Variants in XPNPEP3 observed in about 807,000 individuals in gnomAD.
The protein encoded by XPNPEP3 is X-prolyl aminopeptidase 3.
XPNPEP3 carries 41 observed loss-of-function variants against 60.0 expected under a neutral mutation model. The observed-to-expected ratio is 0.68, with a 90% confidence interval of 0.53 to 0.89. XPNPEP3 has a LOEUF of 0.89. Ranked by LOEUF, XPNPEP3 falls within the 40% of genes least tolerant of loss-of-function variation. The pLI is 0.00. For missense variants in XPNPEP3, 598 were observed against 638.9 expected, an observed-to-expected ratio of 0.94 and a Z score of 0.69; for synonymous variants, 212 against 223.2, an observed-to-expected ratio of 0.95 and a Z score of 0.45.
intron 4 of XPNPEP3, among the ~76,000 whole-genome samples, chr22:40,886,977 G>C (rs1023319008): frequency 6.6e-6 from 1 of 152,136 alleles, no homozygotes; most frequent in African/African-American, 2.4e-5. Context: ...CATACCTAGA[G>C]ACTTGCTTAA....
intron 1 of XPNPEP3, chr22:40,861,894 T>C (rs375573763): frequency 6.2e-7 from 1 of 1,614,018 alleles, no homozygotes; most frequent in Non-Finnish European, 8.5e-7. Flanking sequence ...TTCTGGATTT[T>C]TATCAGGGTG....
At chr22:40,863,165 G>A (rs1438853528) in intron 1 of XPNPEP3, among the ~76,000 whole-genome samples, 1 of 152,160 alleles carries the variant, frequency 6.6e-6, no homozygotes, top group Non-Finnish European at 1.5e-5. Flanking sequence ...GTGGGGAGTG[G>A]GGAATATGCA....
At chr22:40,898,499 C>T (rs1376629802) in intron 4 of XPNPEP3, among the ~76,000 whole-genome samples, 9 of 131,256 alleles carry the variant, frequency 6.9e-5, no homozygotes, top group African/African-American at 2.9e-4. Context: ...ATGATCCACC[C>T]GCCTCGGCCT....
At chr22:40,870,178 A>T in intron 2 of XPNPEP3, 1 of 435,344 alleles carries the variant, frequency 2.3e-6, no homozygotes, top group Middle Eastern at 3.4e-4. Flanking sequence ...TAATTTTAGT[A>T]TTTATCTACC....
intron 1 of XPNPEP3, chr22:40,861,001 A>C: frequency 6.8e-7 from 1 of 1,474,010 alleles, no homozygotes; most frequent in Non-Finnish European, 9.1e-7. Context: ...TGTTATCTAC[A>C]AAATTTGTGA....
intron 4 of XPNPEP3, among the ~76,000 whole-genome samples, chr22:40,901,236 C>CTTTTTTTTTT (rs368089611): frequency 4.6e-5 from 6 of 131,744 alleles, no homozygotes; most frequent in East Asian, 2.2e-4. Flanking sequence ...ATTTAAAGAA[C>CTTTTTTTTTT]TTTTTTTTTT....
At position 40,932,212 on chromosome 22, in the gene XPNPEP3, C is replaced by T. The variant is rs1456567627; in HGVS notation, c.*5777C>T. The stretch of plus-strand genomic sequence containing the variant: ...TTGAGTTAGAACCTATCTGCTGTCC[C>T]TCAACTAGTGTCTGATAGCTGAGAA... On this transcript the variant is annotated 3_prime_UTR_variant, in exon 10 of 10. Transcript: ENST00000357137. The T allele has an allele frequency of 6.6e-6, 1 of 152,126 alleles. No homozygotes were observed. Among genetic ancestry groups the T allele is most frequent in the Non-Finnish European group, 1.5e-5 (1 of 68,030 alleles). The allele number at this position is 152,126 out of a possible 1,614,324, so 9.4% of individuals were successfully genotyped here.
In XPNPEP3 at chr22:40,857,240, T is replaced by C. The variant is rs2057906220; in HGVS notation, c.59T>C (p.Leu20Pro). 1 of 1,614,160 alleles carries C rather than the reference T, an allele frequency of 6.2e-7. No homozygotes were observed. Among genetic ancestry groups the C allele is most frequent in the African/African-American group, 1.3e-5 (1 of 75,062 alleles). Residue 20 changes from leucine (L) to proline (P), a missense_variant, in exon 1 of 10, where the codon CTC (leucine) becomes CCC (proline). By Grantham distance (98) the Leu-to-Pro change is moderately conservative. Coordinates refer to ENST00000357137, the MANE Select transcript of XPNPEP3 (RefSeq NM_022098.4). Reference sequence around the variant, plus strand: ...CCCGCTGTAGCAAACGTCCGCGGCCTCTCAGGTTAGACTCTTCTCCCACGG... The same window carrying C: ...CCCGCTGTAGCAAACGTCCGCGGCCCCTCAGGTTAGACTCTTCTCCCACGG... ...LVPAVANVRG[L>P]SGCMLCSQRR...
intron 3 of XPNPEP3, among the ~76,000 whole-genome samples, chr22:40,885,684 C>A (rs1035854558): frequency 6.8e-4 from 103 of 152,074 alleles, no homozygotes; most frequent in African/African-American, 2.5e-3. Context: ...AACAGTTGTT[C>A]TAATTGTTTA....
chr22:40,915,184 GGGACTACAGGCACCCACCACCACGCCT>G (rs2058191889), intron 7 of XPNPEP3, among the ~76,000 whole-genome samples: 1 of 151,456 alleles, frequency 6.6e-6, no homozygotes, highest in Non-Finnish European at 1.5e-5. Flanking sequence ...CCCGAGTAGC[GGGACTACAGGCACCCACCACCACGCCT>G]GGCTAATTTT....
At chr22:40,882,318 T>G in intron 3 of XPNPEP3, 141 bp downstream of exon 3, 1 of 978,908 alleles carries the variant, frequency 1.0e-6, no homozygotes, top group Non-Finnish European at 1.5e-6. Context: ...TGTAAAGTCT[T>G]TTTCAGAAGA....
At chr22:40,925,070 T>TG (rs2058230156) in intron 9 of XPNPEP3, among the ~76,000 whole-genome samples, 1 of 152,160 alleles carries the variant, frequency 6.6e-6, no homozygotes, top group South Asian at 2.1e-4. Flanking sequence ...CATTTAGTAG[T>TG]GGGGGGCTGC....
At position 40,914,041 on chromosome 22, in the gene XPNPEP3, C is replaced by G. The variant is rs183189719; in HGVS notation, c.970-198C>G. On this transcript the variant is annotated intron_variant, in intron 6 of 9. Coordinates refer to ENST00000357137, the MANE Select transcript of XPNPEP3 (RefSeq NM_022098.4). ...ACCTGTAATCCCAGCTACTCGGAGG[C>G]TGAGGCAGGAGAATCGCTTGAACGC... Among the ~76,000 whole-genome samples the G allele has an allele frequency of 3.7e-4, 56 of 151,680 alleles. No individual in the cohort carries two copies. In the East Asian group the frequency reaches 0.011, roughly 29 times the overall value.
intron 7 of XPNPEP3, among the ~76,000 whole-genome samples, chr22:40,918,758 G>A (rs373844731): frequency 3.9e-4 from 58 of 147,434 alleles, no homozygotes; most frequent in African/African-American, 1.3e-3. Context: ...AGGGTATTCT[G>A]GGATAGTCTG....
intron 4 of XPNPEP3, among the ~76,000 whole-genome samples, chr22:40,894,159 C>A (rs1238869616): frequency 6.6e-6 from 1 of 152,048 alleles, no homozygotes; most frequent in Non-Finnish European, 1.5e-5. Context: ...CTGTGAGTAG[C>A]CACTGCACTC....
chr22:40,861,889 G>C, intron 1 of XPNPEP3: 2 of 1,613,650 alleles, frequency 1.2e-6, no homozygotes. Flanking sequence ...TTATTTTCTG[G>C]ATTTTTATCA....
chr22:40,903,884 AC>A lies in XPNPEP3; in HGVS notation c.793-3702del, dbSNP rs2058144609. On this transcript the variant is annotated intron_variant, in intron 4 of 9. Coordinates refer to ENST00000357137, the MANE Select transcript of XPNPEP3 (RefSeq NM_022098.4). ...CCATCTCTCTCTCTGTCACACACAC[AC>A]ACACACACACACACACACACACACA... 2.0e-5 allele frequency among the ~76,000 whole-genome samples: 3 copies of A among 150,948 alleles called. No homozygotes were observed. The South Asian group carries it at 6.3e-4, about 32-fold the overall frequency.
chr22:40,913,883 G>A (rs780964212), intron 6 of XPNPEP3, among the ~76,000 whole-genome samples: 1 of 152,066 alleles, frequency 6.6e-6, no homozygotes, highest in Admixed American at 6.6e-5. Flanking sequence ...AGTGGCTCAC[G>A]CCTGTAATCC....
chr22:40,902,314 G>A (rs1337661754), intron 4 of XPNPEP3, among the ~76,000 whole-genome samples: 4 of 146,418 alleles, frequency 2.7e-5, no homozygotes, highest in Non-Finnish European at 6.0e-5. Flanking sequence ...GCAGTGGCGC[G>A]ATCTTGGCTT....
Sources: allele counts gnomAD v4.1 joint callset (sites outside exome capture counted in the v4.1 genomes callset), GRCh38; gene constraint gnomAD v4.1.1; transcripts MANE v1.5; gene names NCBI Gene and HGNC (gene_info 2026-07-23, HGNC 2026-07-21).